PCLO: variants seen among roughly 807,000 people sequenced by gnomAD.
PCLO encodes protein piccolo.
A neutral mutation model predicts 427.5 loss-of-function variants in PCLO; 82 were observed. That is an observed-to-expected ratio of 0.19 (90% CI 0.16 to 0.23). The LOEUF (loss-of-function observed/expected upper bound fraction) is 0.23, where lower values mean the gene tolerates loss of function less well. Among genes scored for constraint, PCLO ranks in the 10% least tolerant of loss-of-function variants. The pLI is 1.00. For missense variants in PCLO, 6,239 were observed against 6,115.9 expected (o/e 1.02, Z -0.67); for synonymous variants, 2,357 against 2,155.4 (o/e 1.09, Z -2.59).
intron 21 of PCLO, among the ~76,000 whole-genome samples, chr7:82,803,987 A>G (rs1044654136): frequency 4.6e-5 from 7 of 152,170 alleles, no homozygotes; most frequent in Admixed American, 4.6e-4. Context: ...AATATTGACA[A>G]AATGACATAT....
chr7:82,962,306 T>A (rs954392940), intron 4 of PCLO, among the ~76,000 whole-genome samples: 3 of 152,104 alleles, frequency 2.0e-5, no homozygotes, highest in Non-Finnish European at 4.4e-5. Flanking sequence ...TCTTTCTCAA[T>A]AAGAAAAATC....
chr7:83,036,023 T>G (rs1788786221), intron 3 of PCLO, among the ~76,000 whole-genome samples: 1 of 152,152 alleles, frequency 6.6e-6, no homozygotes, highest in Non-Finnish European at 1.5e-5. Context: ...ATCTTTATGT[T>G]TCCAAGCCCA....
chr7:82,822,510 G>C lies in PCLO; in HGVS notation c.14776C>G (p.Leu4926Val). The change falls in exon 20 of 25, where the codon CTC (leucine) becomes GTC (valine). Residue 4926 changes from leucine to valine, a missense_variant. Physicochemically the swap from Leu to Val is conservative, Grantham distance 32. Transcript: ENST00000333891. ...IAAAEAAVQQLRIQPTKPPNH... is the reference protein window; with the variant it reads ...IAAAEAAVQQVRIQPTKPPNH... ...CGTCTTTTACTTGGTTGAATGCGGA[G>C]TTGTTGCACGGCAGCTTCGGCAGCA... 6.2e-7 allele frequency: 1 copy of C among 1,613,886 alleles called. No individual in the cohort carries two copies. The highest frequency in any genetic ancestry group is 8.5e-7 in the Non-Finnish European group (1 of 1,179,848).
intron 2 of PCLO, among the ~76,000 whole-genome samples, chr7:83,152,171 A>T (rs374594008): frequency 2.6e-5 from 4 of 151,386 alleles, no homozygotes; most frequent in Admixed American, 1.3e-4. Flanking sequence ...TCACTGTGTT[A>T]GCCAGGATGG....
intron 3 of PCLO, among the ~76,000 whole-genome samples, chr7:82,968,956 T>C (rs2115685510): frequency 6.6e-6 from 1 of 152,308 alleles, no homozygotes; most frequent in South Asian, 2.1e-4. Flanking sequence ...ATAAATAAGT[T>C]AGAAAATTTT....
At chr7:82,900,079 T>C (rs1794002954) in intron 9 of PCLO, among the ~76,000 whole-genome samples, 2 of 151,674 alleles carry the variant, frequency 1.3e-5, no homozygotes, top group South Asian at 4.1e-4. Flanking sequence ...CCCTGGAATT[T>C]TCATCAGTAC....
At chr7:83,072,164 C>A (rs1789832957) in intron 3 of PCLO, among the ~76,000 whole-genome samples, 1 of 151,884 alleles carries the variant, frequency 6.6e-6, no homozygotes, top group Admixed American at 6.6e-5. Context: ...TGTTGTGATT[C>A]TGTTGTTATT....
chr7:82,921,032 A>C (rs772746876), intron 6 of PCLO, among the ~76,000 whole-genome samples: 2 of 151,822 alleles, frequency 1.3e-5, no homozygotes, highest in Non-Finnish European at 2.9e-5. Flanking sequence ...CTAGATGCTA[A>C]AGACATAGAT....
chr7:82,898,394 T>C (rs908292921), intron 9 of PCLO, among the ~76,000 whole-genome samples: 68 of 151,530 alleles, frequency 4.5e-4, no homozygotes, highest in African/African-American at 1.6e-3. Flanking sequence ...GTCTTCTATT[T>C]TGAAATTATT....
intron 20 of PCLO, chr7:82,821,328 T>C (rs1020486908): frequency 1.0e-6 from 1 of 985,880 alleles, no homozygotes; most frequent in Admixed American, 6.2e-5. Context: ...AAACCCAGAG[T>C]ATGTATCCTC....
chr7:83,070,542 G>A (rs184931532), intron 3 of PCLO, among the ~76,000 whole-genome samples: 8 of 151,890 alleles, frequency 5.3e-5, no homozygotes, highest in Non-Finnish European at 1.2e-4. Context: ...TGCTGCCACC[G>A]TGTCCGGCTA....
chr7:82,995,660 T>G (rs2115871688), intron 3 of PCLO, among the ~76,000 whole-genome samples: 1 of 152,098 alleles, frequency 6.6e-6, no homozygotes, highest in Non-Finnish European at 1.5e-5. Context: ...CAGATGGTCT[T>G]TGATTGGACC....
At chr7:83,130,274 G>A (rs1206550115) in intron 3 of PCLO, among the ~76,000 whole-genome samples, 2 of 152,102 alleles carry the variant, frequency 1.3e-5, no homozygotes, top group Admixed American at 1.3e-4. Flanking sequence ...CTGTCTCCCA[G>A]GTTTAAGCAA....
At chr7:83,127,611 A>G (rs1195389607) in intron 3 of PCLO, among the ~76,000 whole-genome samples, 2 of 152,154 alleles carry the variant, frequency 1.3e-5, no homozygotes, top group Non-Finnish European at 2.9e-5. Context: ...TGAAAGGAAG[A>G]AAATACTGGA....
chr7:82,914,726 G>A lies in PCLO; in HGVS notation c.13260C>T (p.Phe4420=). 6.2e-7 allele frequency: 1 copy of A among 1,613,168 alleles called. No homozygotes were observed. The highest frequency in any genetic ancestry group is 8.5e-7 in the Non-Finnish European group (1 of 1,179,550). The change falls in exon 7 of 25, where the codon TTC becomes TTT. Residue 4420 remains phenylalanine (F), a synonymous_variant. Coordinates refer to ENST00000333891, the MANE Select transcript of PCLO (RefSeq NM_033026.6). ...TGGCATGTTGGAAGTCATCCATGAT[G>A]AATGCTATGTCACGGTCATAGCCTC... is the stretch of plus-strand genomic sequence containing the variant. ...RTRGYDRDIA[F]IMDDFQHAMS... is the part of the protein sequence containing the mutation.
At position 82,851,127 on chromosome 7, in the gene PCLO, T is replaced by C. The variant is rs1340050032; in HGVS notation, c.13655-3880A>G. 3.3e-5 allele frequency among the ~76,000 whole-genome samples: 5 copies of C among 152,176 alleles called. No individual in the cohort carries two copies. The East Asian group carries it at 9.7e-4, about 29-fold the overall frequency. ...GTAATTATTTTAATGAGAATGCACA[T>C]GAGTGCAACTGTTCTGGAAGGCAAT... is the stretch of plus-strand genomic sequence containing the variant. On this transcript the variant is annotated intron_variant, in intron 10 of 24. Coordinates refer to ENST00000333891, the MANE Select transcript of PCLO (RefSeq NM_033026.6).
At chr7:82,787,143 A>G (rs1244760665) in intron 22 of PCLO, among the ~76,000 whole-genome samples, 2 of 152,000 alleles carry the variant, frequency 1.3e-5, no homozygotes, top group Non-Finnish European at 2.9e-5. Flanking sequence ...CTAGTTCTAG[A>G]TCCTTGAGGA....
chr7:83,086,117 C>T (rs1388203148), intron 3 of PCLO, among the ~76,000 whole-genome samples: 4 of 148,736 alleles, frequency 2.7e-5, no homozygotes, highest in African/African-American at 7.4e-5. Context: ...CTTTTTTTTT[C>T]TTTTTTTTTT....
chr7:82,828,107 A>C (rs1037427711), intron 16 of PCLO, 141 bp from the exon 17 acceptor site: 1 of 611,910 alleles, frequency 1.6e-6, no homozygotes, highest in Non-Finnish European at 2.9e-6. Flanking sequence ...TCATGTCTTA[A>C]ACCTTAGTTT....
Sources: gnomAD v4.1 joint callset for allele counts (sites outside exome capture counted in the v4.1 genomes callset) on GRCh38, gnomAD v4.1.1 for gene constraint, MANE v1.5 for transcripts, NCBI Gene and HGNC (gene_info 2026-07-23, HGNC 2026-07-21) for gene names.